The following HM13 variants were observed in gnomAD, a reference collection of about 807,000 sequenced individuals.
The protein encoded by HM13 is histocompatibility minor 13, also known as signal peptide peptidase.
HM13 carries 18 observed loss-of-function variants against 50.0 expected under a neutral mutation model. The ratio of observed to expected loss-of-function variants is 0.36; its 90% CI spans 0.25 to 0.53. HM13 has a LOEUF of 0.53. Ranked by LOEUF, HM13 falls within the 20% of genes least tolerant of loss-of-function variation. The probability of loss-of-function intolerance (pLI) is 0.90; values close to 1 mark genes in which losing one functional copy is unlikely to be tolerated. For missense variants in HM13, 393 were observed against 552.4 expected, an observed-to-expected ratio of 0.71 and a Z score of 2.89; for synonymous variants, 197 against 232.6, an observed-to-expected ratio of 0.85 and a Z score of 1.39.
chr20:31,538,053 C>A, intron 2 of HM13, 126 bp from the exon 3 acceptor site: 1 of 1,065,340 alleles, frequency 9.4e-7, no homozygotes, highest in Non-Finnish European at 1.3e-6. Flanking sequence ...TTGTCTGAGA[C>A]TCTTCCTGAC....
At chr20:31,555,677 A>C (rs1984272324) in intron 8 of HM13, among the ~76,000 whole-genome samples, 1 of 152,130 alleles carries the variant, frequency 6.6e-6, no homozygotes, top group Non-Finnish European at 1.5e-5. Context: ...CTTGCTTAAA[A>C]GAAGGTTTTA....
chr20:31,526,150 G>T (rs1051292074), intron 1 of HM13, among the ~76,000 whole-genome samples: 1 of 144,786 alleles, frequency 6.9e-6, no homozygotes, highest in Admixed American at 6.7e-5. Flanking sequence ...AAGAAAGTTC[G>T]TCATAAATCC....
chr20:31,549,375 A>G, intron 6 of HM13, 43 bp downstream of exon 6: 1 of 1,611,788 alleles, frequency 6.2e-7, no homozygotes, highest in Non-Finnish European at 8.5e-7. Flanking sequence ...CTCCGGGGCC[A>G]TCTCATCTCA....
chr20:31,523,491 G>A (rs976217538), intron 1 of HM13, among the ~76,000 whole-genome samples: 4 of 152,076 alleles, frequency 2.6e-5, no homozygotes, highest in Non-Finnish European at 4.4e-5. Context: ...TCGAAATCCT[G>A]ACCTCAGGTG....
chr20:31,553,035 C>T (rs532019733), intron 7 of HM13, among the ~76,000 whole-genome samples: 53 of 151,930 alleles, frequency 3.5e-4, no homozygotes, highest in Admixed American at 5.9e-4. Context: ...TGGTGGCTTA[C>T]GCCTGTAATC....
rs143410217 is a variant in HM13, at chr20:31,545,401, C to T, written c.454+366C>T. On this transcript the variant is annotated intron_variant, in intron 4 of 12. Transcript: ENST00000398174. ...AGTCGGCCTTCATGATTATTTTATTCGTATATATTTTTAGTGTGATCACTG... is the reference window on the plus strand; with the variant it reads ...AGTCGGCCTTCATGATTATTTTATTTGTATATATTTTTAGTGTGATCACTG... Among the ~76,000 whole-genome samples, 15 of 152,142 alleles carry T rather than the reference C, an allele frequency of 9.9e-5. No homozygotes were observed. The East Asian group carries it at 2.7e-3, about 27-fold the overall frequency.
At chr20:31,568,429 C>G (rs1985059166) in intron 12 of HM13, 3 of 665,800 alleles carry the variant, frequency 4.5e-6, no homozygotes, top group African/African-American at 3.6e-5. Context: ...CCTGCCCTCA[C>G]CAGTAATGCG....
At chr20:31,528,513 C>G (rs911591908) in intron 2 of HM13, among the ~76,000 whole-genome samples, 2 of 152,190 alleles carry the variant, frequency 1.3e-5, no homozygotes, top group Admixed American at 6.5e-5. Context: ...GAGTCTCGCT[C>G]TGTCACCCAG....
At chr20:31,533,589 A>G (rs1982941647) in intron 2 of HM13, among the ~76,000 whole-genome samples, 1 of 152,216 alleles carries the variant, frequency 6.6e-6, no homozygotes, top group African/African-American at 2.4e-5. Flanking sequence ...GCCCAGGTGA[A>G]CAGGTGCCAG....
intron 1 of HM13, among the ~76,000 whole-genome samples, chr20:31,515,496 G>C (rs1981718016): frequency 6.6e-6 from 1 of 152,152 alleles, no homozygotes; most frequent in Admixed American, 6.5e-5. Flanking sequence ...CCTAGACCTT[G>C]TTCCTAACCT....
At position 31,518,327 on chromosome 20, in the gene HM13, G is replaced by A. The variant is rs922361677; in HGVS notation, c.183+3593G>A. Among the ~76,000 whole-genome samples the A allele has an allele frequency of 8.7e-4, 130 of 148,624 alleles. 1 individual carries two copies. The highest frequency in any genetic ancestry group is 3.0e-3 in the African/African-American group (123 of 40,612). ...TGGGACTACAGGCATGAGCCACCGC[G>A]CCCAGCAATTTTTTTTTTTTCTTTA... On this transcript the variant is annotated intron_variant, in intron 1 of 12. Coordinates refer to ENST00000398174, the MANE Select transcript of HM13 (RefSeq NM_178581.3).
At chr20:31,562,586 T>G (rs936050835) in intron 10 of HM13, 1 of 152,152 alleles carries the variant, frequency 6.6e-6, no homozygotes, top group East Asian at 1.9e-4. Flanking sequence ...CCAGTAACCA[T>G]GGAACTCTGG....
rs768591290 is a variant in HM13 at position 31,568,073 on chromosome 20, C to G, written c.1035-5C>G. On this transcript the variant is annotated splice_polypyrimidine_tract_variant and splice_region_variant and intron_variant, in intron 11 of 12. Coordinates refer to ENST00000398174, the MANE Select transcript of HM13 (RefSeq NM_178581.3). Reference sequence around the variant, plus strand: ...TTTTCTGTCTCTTCTCTCTCTCTCACACAGCTACGAGTCCTCGGCGGAAAT... The same window carrying G: ...TTTTCTGTCTCTTCTCTCTCTCTCAGACAGCTACGAGTCCTCGGCGGAAAT... 1 of 1,603,182 alleles carries G rather than the reference C, an allele frequency of 6.2e-7. No individual in the cohort carries two copies. Among genetic ancestry groups the G allele is most frequent in the Non-Finnish European group, 8.5e-7 (1 of 1,174,602 alleles).
At chr20:31,559,894 G>T (rs1417199700) in intron 9 of HM13, among the ~76,000 whole-genome samples, 1 of 152,250 alleles carries the variant, frequency 6.6e-6, no homozygotes, top group Non-Finnish European at 1.5e-5. Context: ...TACTCACAGT[G>T]CTTTCTCACT....
rs972945825 is a variant in HM13, at chr20:31,543,660, G to A, written c.366-1287G>A. ...AAAGAGAGTTCCCTTGGCCGGGCGC[G>A]GTGGCTTACGCCTGTAATCCCAGCA... On this transcript the variant is annotated intron_variant, in intron 3 of 12. Transcript: ENST00000398174. Among the ~76,000 whole-genome samples, 4 of 151,718 alleles carry A rather than the reference G, an allele frequency of 2.6e-5. No individual in the cohort carries two copies. In the South Asian group the frequency reaches 6.2e-4, roughly 24 times the overall value.
chr20:31,517,284 C>G (rs1454385551), intron 1 of HM13, among the ~76,000 whole-genome samples: 1 of 152,156 alleles, frequency 6.6e-6, no homozygotes, highest in African/African-American at 2.4e-5. Context: ...AAGGTAGAGC[C>G]TCCAGGAGTA....
chr20:31,538,141 A>C, intron 2 of HM13, 38 bp from the exon 3 acceptor site: 2 of 1,609,796 alleles, frequency 1.2e-6, no homozygotes, highest in Non-Finnish European at 1.7e-6. Context: ...GCCACTGGCA[A>C]CCCTAACTTC....
intron 1 of HM13, among the ~76,000 whole-genome samples, chr20:31,515,568 C>A (rs1981721976): frequency 6.6e-6 from 1 of 152,136 alleles, no homozygotes; most frequent in Non-Finnish European, 1.5e-5. Context: ...CCCATACCCC[C>A]AAGACAATCC....
intron 1 of HM13, among the ~76,000 whole-genome samples, chr20:31,523,035 G>GT (rs200233326): frequency 0.026 from 3,173 of 120,362 alleles, 210 homozygotes; most frequent in African/African-American, 0.14. Flanking sequence ...CCTGTTTGGG[G>GT]TTTTTTTTGG....
Sources: allele counts gnomAD v4.1 joint callset (sites outside exome capture counted in the v4.1 genomes callset), GRCh38; gene constraint gnomAD v4.1.1; transcripts MANE v1.5; gene names NCBI Gene and HGNC (gene_info 2026-07-23, HGNC 2026-07-21).